The following BAZ2B variants were observed in gnomAD, a reference collection of about 807,000 sequenced individuals.
BAZ2B encodes bromodomain adjacent to zinc finger domain protein 2B.
BAZ2B carries 91 observed loss-of-function variants against 246.0 expected under a neutral mutation model. The ratio of observed to expected loss-of-function variants is 0.37; its 90% CI spans 0.31 to 0.44. BAZ2B has a LOEUF of 0.44. Ranked by LOEUF, BAZ2B falls within the 20% of genes least tolerant of loss-of-function variation. The pLI, the probability that BAZ2B is intolerant of heterozygous loss-of-function variation, is 1.00. For synonymous variants in BAZ2B, 855 were observed against 860.0 expected, an observed-to-expected ratio of 0.99 and a Z score of 0.10; for missense variants, 2,332 against 2,533.7, an observed-to-expected ratio of 0.92 and a Z score of 1.71.
the BAZ2B span, among the ~76,000 whole-genome samples, chr2:159,692,582 G>A: frequency 4.6e-5 from 7 of 152,126 alleles, no homozygotes; most frequent in African/African-American, 1.7e-4. Context: ...TGGGCATGGT[G>A]GCACACGCCT....
the BAZ2B span, among the ~76,000 whole-genome samples, chr2:159,682,971 T>A: frequency 6.7e-6 from 1 of 149,618 alleles, no homozygotes; most frequent in Non-Finnish European, 1.5e-5. Context: ...ACATCACCTT[T>A]TTTTTTTCTT....
chr2:159,335,543 C>A (rs1444412102), intron 33 of BAZ2B, among the ~76,000 whole-genome samples: 25 of 112,194 alleles, frequency 2.2e-4, no homozygotes, highest in African/African-American at 7.1e-4. Flanking sequence ...GACTCTGTCT[C>A]AAAAAAAAAA....
chr2:159,558,506 T>C (rs1056864911), intron 1 of BAZ2B, among the ~76,000 whole-genome samples: 2 of 152,008 alleles, frequency 1.3e-5, no homozygotes, highest in African/African-American at 2.4e-5. Flanking sequence ...GTGATCCGCC[T>C]ACCTCGGCCT....
intron 1 of BAZ2B, among the ~76,000 whole-genome samples, chr2:159,576,680 G>A (rs976573848): frequency 2.2e-5 from 3 of 137,782 alleles, no homozygotes; most frequent in Non-Finnish European, 4.7e-5. Context: ...TTGGGAGGCT[G>A]AGGCAGGTGG....
intron 27 of BAZ2B, among the ~76,000 whole-genome samples, chr2:159,354,132 G>C (rs996286720): frequency 3.3e-5 from 5 of 152,042 alleles, no homozygotes; most frequent in African/African-American, 1.2e-4. Context: ...GTTAGTAGTG[G>C]AGTACTAATA....
chr2:159,424,680 C>T (rs2069448739), intron 13 of BAZ2B, among the ~76,000 whole-genome samples: 1 of 152,048 alleles, frequency 6.6e-6, no homozygotes, highest in South Asian at 2.1e-4. Context: ...CCTTAGTATC[C>T]AGGACCTCCC....
chr2:159,532,451 G>C (rs1170909914), intron 2 of BAZ2B, among the ~76,000 whole-genome samples: 1 of 152,012 alleles, frequency 6.6e-6, no homozygotes, highest in Admixed American at 6.6e-5. Flanking sequence ...AATATTACGG[G>C]GAGAACAAAA....
At chr2:159,490,613 C>T (rs2080346443) in intron 2 of BAZ2B, among the ~76,000 whole-genome samples, 1 of 152,138 alleles carries the variant, frequency 6.6e-6, no homozygotes, top group Non-Finnish European at 1.5e-5. Context: ...CTCGATCTTC[C>T]CTGCTCAAGC....
Position 159,337,045 on chromosome 2 carries a change from A to T in BAZ2B, c.5693T>A (p.Val1898Glu). Residue 1898 changes from valine (V) to glutamate (E), a missense_variant, in exon 33 of 37, where the codon GTA becomes GAA. Physicochemically the swap from Val to Glu is moderately radical, Grantham distance 121. Transcript: ENST00000392783. ...AGCTTCTGATAATGCCCTTCTCCAT[A>T]CCCTGAGCCCTGGAGCAATATCCTC... Reference protein sequence around the residue: ...IEEDIAPGLRVWRRALSEARS... With the variant: ...IEEDIAPGLREWRRALSEARS... 1.2e-6 allele frequency: 2 copies of T among 1,613,254 alleles called. No homozygotes were observed. Among genetic ancestry groups the T allele is most frequent in the Non-Finnish European group, 1.7e-6 (2 of 1,179,276 alleles).
intron 3 of BAZ2B, among the ~76,000 whole-genome samples, chr2:159,476,308 T>A (rs938048770): frequency 2.6e-5 from 4 of 152,156 alleles, no homozygotes; most frequent in Admixed American, 2.6e-4. Flanking sequence ...ATGTTTTAGG[T>A]ACTAAAAATA....
At chr2:159,667,022 C>T in the BAZ2B span, among the ~76,000 whole-genome samples, 66 of 151,966 alleles carry the variant, frequency 4.3e-4, no homozygotes, top group African/African-American at 1.4e-3. Context: ...GTGCAGCAAA[C>T]CACCATGGCA....
chr2:159,465,784 T>C (rs2076963018), intron 3 of BAZ2B, among the ~76,000 whole-genome samples: 1 of 152,006 alleles, frequency 6.6e-6, no homozygotes, highest in Non-Finnish European at 1.5e-5. Context: ...TATTCAGGCA[T>C]GGTGGCATGT....
intron 2 of BAZ2B, among the ~76,000 whole-genome samples, chr2:159,498,611 A>T (rs780150036): frequency 3.2e-4 from 48 of 152,196 alleles, no homozygotes; most frequent in Non-Finnish European, 6.3e-4. Flanking sequence ...TTTTGTTCAG[A>T]CTATAACAGT....
intron 25 of BAZ2B, 28 bp downstream of exon 25, chr2:159,382,531 G>T: frequency 6.5e-7 from 1 of 1,542,422 alleles, no homozygotes; most frequent in East Asian, 2.4e-5. Context: ...AGTTCTAGTT[G>T]TCTTAAAATC....
chr2:159,467,346 GA>G (rs1003090505), intron 3 of BAZ2B, among the ~76,000 whole-genome samples: 28 of 152,334 alleles, frequency 1.8e-4, no homozygotes, highest in African/African-American at 5.8e-4. Flanking sequence ...TAGAGATGAA[GA>G]AGCTAGACTG....
chr2:159,535,351 G>A (rs1483982433), intron 2 of BAZ2B, among the ~76,000 whole-genome samples: 4 of 152,132 alleles, frequency 2.6e-5, no homozygotes, highest in African/African-American at 7.2e-5. Context: ...GTGAAACCCC[G>A]TCTCCACTAA....
At chr2:159,553,617 G>C (rs1181660031) in intron 2 of BAZ2B, among the ~76,000 whole-genome samples, 1 of 151,198 alleles carries the variant, frequency 6.6e-6, no homozygotes, top group African/African-American at 2.5e-5. Flanking sequence ...ATTGATAATG[G>C]CCAGGAAGAA....
chr2:159,373,952 A>C (rs1285626457), intron 26 of BAZ2B, among the ~76,000 whole-genome samples: 1 of 152,216 alleles, frequency 6.6e-6, no homozygotes, highest in African/African-American at 2.4e-5. Flanking sequence ...TCTGTGAAGA[A>C]TCTAATATTA....
intron 33 of BAZ2B, among the ~76,000 whole-genome samples, chr2:159,336,061 T>C (rs2065612716): frequency 6.6e-6 from 1 of 152,116 alleles, no homozygotes; most frequent in Non-Finnish European, 1.5e-5. Context: ...CTCAGGAGGC[T>C]GATGCAGGAG....
Sources: gnomAD v4.1 joint callset for allele counts (sites outside exome capture counted in the v4.1 genomes callset) on GRCh38, gnomAD v4.1.1 for gene constraint, MANE v1.5 for transcripts, NCBI Gene and HGNC (gene_info 2026-07-23, HGNC 2026-07-21) for gene names.